GRIN3A: variants seen among roughly 807,000 people sequenced by gnomAD.
The protein encoded by GRIN3A is glutamate ionotropic receptor NMDA type subunit 3A.
GRIN3A carries 47 observed loss-of-function variants against 92.4 expected under a neutral mutation model. The ratio of observed to expected loss-of-function variants is 0.51; its 90% confidence interval spans 0.40 to 0.65. The LOEUF (loss-of-function observed/expected upper bound fraction) is 0.65. Ranked by LOEUF, GRIN3A falls within the 30% of genes least tolerant of loss-of-function variation. The probability of loss-of-function intolerance (pLI) is 0.00; values close to 1 mark genes in which losing one functional copy is unlikely to be tolerated. For missense variants in GRIN3A, 1,324 were observed against 1,393.1 expected (o/e 0.95, Z 0.79); for synonymous variants, 527 against 540.6 (o/e 0.97, Z 0.35).
chr9:101,730,750 A>G (rs1830127872), intron 1 of GRIN3A, among the ~76,000 whole-genome samples: 1 of 152,168 alleles, frequency 6.6e-6, no homozygotes, highest in South Asian at 2.1e-4. Flanking sequence ...ATTTAAACAT[A>G]CACTACAATT....
intron 3 of GRIN3A, among the ~76,000 whole-genome samples, chr9:101,638,844 C>T (rs1205891646): frequency 6.6e-6 from 1 of 152,222 alleles, no homozygotes; most frequent in Non-Finnish European, 1.5e-5. Flanking sequence ...TGGCGTTAGA[C>T]TCAGTTCCCT....
At chr9:101,640,833 T>A (rs773125338) in intron 3 of GRIN3A, among the ~76,000 whole-genome samples, 1 of 152,198 alleles carries the variant, frequency 6.6e-6, no homozygotes, top group Admixed American at 6.5e-5. Context: ...CCTCCTTGCC[T>A]TCCACCATGA....
At position 101,580,047 on chromosome 9, in the gene GRIN3A, G is replaced by T. The variant is rs1158757690; in HGVS notation, c.2767-687C>A. On this transcript the variant is annotated intron_variant, in intron 6 of 8. Transcript: ENST00000361820. The stretch of plus-strand genomic sequence containing the variant: ...GGTCATGCTAACACCACCATTTTTT[G>T]AACATGGGCCCAGGAAGAGGCATGA... Among the ~76,000 whole-genome samples, 4 of 152,210 alleles carry T rather than the reference G, an allele frequency of 2.6e-5. No individual in the cohort carries two copies. The East Asian group carries it at 7.7e-4, about 29-fold the overall frequency.
In GRIN3A at chr9:101,724,831, A is replaced by G. The variant is rs189475371; in HGVS notation, c.699+12450T>C. On this transcript the variant is annotated intron_variant, in intron 1 of 8. Coordinates refer to ENST00000361820, the MANE Select transcript of GRIN3A (RefSeq NM_133445.3). ...CATGTAGAACTGTAAGTCCAATTAAATCTCCTTTTCTTCCCAGTCTTGGGT... is the reference window on the plus strand; with the variant it reads ...CATGTAGAACTGTAAGTCCAATTAAGTCTCCTTTTCTTCCCAGTCTTGGGT... 2.0e-3 allele frequency among the ~76,000 whole-genome samples: 305 copies of G among 152,230 alleles called. 1 individual carries two copies. The highest frequency in any genetic ancestry group is 3.2e-3 in the Non-Finnish European group (217 of 68,006).
At chr9:101,573,576 TC>T (rs1827788998) in intron 8 of GRIN3A, 63 bp from the exon 9 acceptor site, 3 of 1,294,832 alleles carry the variant, frequency 2.3e-6, no homozygotes, top group Non-Finnish European at 2.2e-6. Context: ...GCTGTCTTCA[TC>T]TGTTAGCCAT....
At chr9:101,726,460 C>T (rs1247048721) in intron 1 of GRIN3A, among the ~76,000 whole-genome samples, 1 of 152,166 alleles carries the variant, frequency 6.6e-6, no homozygotes, top group Non-Finnish European at 1.5e-5. Flanking sequence ...AGCTATACTT[C>T]ATGCATTTCT....
chr9:101,605,492 C>T (rs1373135573), intron 6 of GRIN3A, among the ~76,000 whole-genome samples: 1 of 152,200 alleles, frequency 6.6e-6, no homozygotes, highest in Non-Finnish European at 1.5e-5. Flanking sequence ...ACCATTTAAA[C>T]TTCCATTTTT....
chr9:101,587,047 C>T (rs759965260), intron 6 of GRIN3A, among the ~76,000 whole-genome samples: 14 of 152,166 alleles, frequency 9.2e-5, no homozygotes, highest in Admixed American at 3.3e-4. Flanking sequence ...CAGTGGCTCA[C>T]GCCTGTAATC....
chr9:101,616,258 G>T (rs1341781722), intron 5 of GRIN3A, among the ~76,000 whole-genome samples: 1 of 152,152 alleles, frequency 6.6e-6, no homozygotes, highest in East Asian at 1.9e-4. Context: ...TTGTGCAGTT[G>T]AATTGGCAAC....
chr9:101,709,270 A>T (rs1003393331), intron 1 of GRIN3A, among the ~76,000 whole-genome samples: 4 of 152,230 alleles, frequency 2.6e-5, no homozygotes, highest in African/African-American at 9.6e-5. Flanking sequence ...AATAAGATTC[A>T]TTATTTATCT....
chr9:101,605,047 G>A (rs908550039), intron 6 of GRIN3A, among the ~76,000 whole-genome samples: 7 of 152,212 alleles, frequency 4.6e-5, no homozygotes, highest in African/African-American at 1.7e-4. Context: ...GCCCAGGCTG[G>A]AGGCCAGTCA....
chr9:101,575,322 G>C (rs2118777728), intron 8 of GRIN3A, among the ~76,000 whole-genome samples: 2 of 152,252 alleles, frequency 1.3e-5, no homozygotes, highest in South Asian at 4.1e-4. Flanking sequence ...TTTTCTTCTA[G>C]CTTTATAATT....
chr9:101,670,704 T>C lies in GRIN3A; in HGVS notation c.1708A>G (p.Ile570Val). 1 of 1,614,112 alleles carries C rather than the reference T, an allele frequency of 6.2e-7. No individual in the cohort carries two copies. Among genetic ancestry groups the C allele is most frequent in the South Asian group, 1.1e-5 (1 of 91,082 alleles). The change falls in exon 3 of 9, where the codon ATT (isoleucine) becomes GTT (valine). Residue 570 changes from isoleucine (I) to valine (V), a missense_variant. Transcript: ENST00000361820. Reference protein sequence around the residue: ...SLHSSNDTVPIKFKKCCYGYC... With the variant: ...SLHSSNDTVPVKFKKCCYGYC... Reference sequence around the variant, plus strand: ...CCATAGCAGCACTTCTTGAATTTAATGGGCACTGTATCATTACTGCTATGG... The same window carrying C: ...CCATAGCAGCACTTCTTGAATTTAACGGGCACTGTATCATTACTGCTATGG...
chr9:101,634,349 A>AAG (rs1174691305), intron 3 of GRIN3A, among the ~76,000 whole-genome samples: 1 of 150,546 alleles, frequency 6.6e-6, no homozygotes, highest in Non-Finnish European at 1.5e-5. Flanking sequence ...AAAAAAAAAA[A>AAG]AAAGAAAATT....
chr9:101,696,349 C>A (rs1829683861), intron 1 of GRIN3A, among the ~76,000 whole-genome samples: 1 of 152,160 alleles, frequency 6.6e-6, no homozygotes, highest in Non-Finnish European at 1.5e-5. Context: ...GAATCAATAA[C>A]CCAGTCAGGG....
intron 3 of GRIN3A, among the ~76,000 whole-genome samples, chr9:101,660,867 A>C (rs1401893734): frequency 6.6e-6 from 1 of 151,780 alleles, no homozygotes; most frequent in African/African-American, 2.4e-5. Flanking sequence ...TCAGAGCACT[A>C]TACTCTTATT....
rs1029868145 is a variant in GRIN3A, at chr9:101,592,406, A to C, written c.2767-13046T>G. 6 of 152,224 alleles carry C rather than the reference A, an allele frequency of 3.9e-5. 1 individual carries two copies. In the East Asian group the frequency reaches 9.6e-4, roughly 24 times the overall value. 9.4% of individuals were successfully genotyped at this position (152,224 alleles called of 1,614,324 possible). A position where few individuals can be genotyped will look rare whatever the true frequency, so the allele number is the denominator to read the frequency against. ...TGGAATTGTGCTCCAGGTGTGTTGC[A>C]TGCCTTTTTGAATCCTCAAAATAAC... On this transcript the variant is annotated intron_variant, in intron 6 of 8. Transcript: ENST00000361820.
rs776565303 is a variant in GRIN3A, at chr9:101,670,770, T to C, written c.1642A>G (p.Thr548Ala). 53 of 1,614,058 alleles carry C rather than the reference T, an allele frequency of 3.3e-5. No homozygotes were observed. Among genetic ancestry groups the C allele is most frequent in the Non-Finnish European group, 4.5e-5 (53 of 1,179,950 alleles). ...CTGTCCAATGTGGAAGAGTCATTAG[T>C]CATGGGGTCTAGACAGAGTTGGCCA... ...PAGQLCLDPM[T>A]NDSSTLDSLF... The change falls in exon 3 of 9, where the codon ACT becomes GCT. Residue 548 changes from threonine (T) to alanine (A), a missense_variant. Coordinates refer to ENST00000361820, the MANE Select transcript of GRIN3A (RefSeq NM_133445.3).
At chr9:101,731,948 G>A (rs561875436) in intron 1 of GRIN3A, among the ~76,000 whole-genome samples, 2 of 152,300 alleles carry the variant, frequency 1.3e-5, no homozygotes, top group South Asian at 2.1e-4. Context: ...GCTAAGAGAT[G>A]TTCTTTCTTC....
Sources: allele counts gnomAD v4.1 joint callset (sites outside exome capture counted in the v4.1 genomes callset), GRCh38; gene constraint gnomAD v4.1.1; transcripts MANE v1.5; gene names NCBI Gene and HGNC (gene_info 2026-07-23, HGNC 2026-07-21).